The following DTWD2 variants were observed in gnomAD, a reference collection of about 807,000 sequenced individuals.
DTWD2 encodes the protein tRNA-uridine aminocarboxypropyltransferase 2.
In DTWD2, 39 loss-of-function variants were observed where a neutral mutation model predicts 31.8. That is an observed-to-expected ratio of 1.22 (90% CI 0.95 to 1.60). DTWD2 has a LOEUF of 1.60. DTWD2 is among the 40% of genes most tolerant of loss of function. DTWD2 has a pLI of 0.00. For synonymous variants in DTWD2, 180 were observed against 142.8 expected (o/e 1.26, Z -1.86); for missense variants, 515 against 381.5 (o/e 1.35, Z -2.92).
intron 4 of DTWD2, among the ~76,000 whole-genome samples, chr5:118,861,197 G>A (rs113807784): frequency 6.6e-6 from 1 of 152,360 alleles, no homozygotes; most frequent in African/African-American, 2.4e-5. Flanking sequence ...AGCAGACATT[G>A]TGCAATGCAG....
chr5:118,862,982 A>C (rs928321149), intron 4 of DTWD2, among the ~76,000 whole-genome samples: 1 of 152,176 alleles, frequency 6.6e-6, no homozygotes, highest in African/African-American at 2.4e-5. Context: ...CTCATGTGAA[A>C]AGCTGATCCA....
At chr5:118,913,100 T>C (rs1449962289) in intron 4 of DTWD2, among the ~76,000 whole-genome samples, 5 of 152,162 alleles carry the variant, frequency 3.3e-5, no homozygotes, top group Non-Finnish European at 5.9e-5. Context: ...GTTATTTATA[T>C]CCTACTGCTC....
intron 4 of DTWD2, among the ~76,000 whole-genome samples, chr5:118,889,698 T>C (rs1752938889): frequency 6.6e-6 from 1 of 152,120 alleles, no homozygotes; most frequent in Non-Finnish European, 1.5e-5. Context: ...GCCATGTAAA[T>C]ATATTACTTT....
chr5:118,928,029 G>T (rs1753845842), intron 4 of DTWD2, among the ~76,000 whole-genome samples: 2 of 151,834 alleles, frequency 1.3e-5, no homozygotes, highest in Admixed American at 1.3e-4. Context: ...ATATAAGAAT[G>T]GACCAATATT....
chr5:118,898,823 T>G lies in DTWD2; in HGVS notation c.597+29714A>C, dbSNP rs183992221. ...CACAAAAAAATTGTTATTAAGACAT[T>G]TAGTTTAAGAGGAAAAGGTTATCCT... On this transcript the variant is annotated intron_variant, in intron 4 of 5. Transcript: ENST00000510708. 2.0e-5 allele frequency among the ~76,000 whole-genome samples: 3 copies of G among 152,272 alleles called. No homozygotes were observed. The East Asian group carries it at 5.8e-4, about 29-fold the overall frequency.
At chr5:118,900,881 C>T (rs1040519423) in intron 4 of DTWD2, among the ~76,000 whole-genome samples, 7 of 150,998 alleles carry the variant, frequency 4.6e-5, no homozygotes, top group South Asian at 4.2e-4. Context: ...CCCGAGATCA[C>T]GCCACTGCCC....
At chr5:118,937,295 T>C (rs1022381231) in intron 3 of DTWD2, among the ~76,000 whole-genome samples, 11 of 150,012 alleles carry the variant, frequency 7.3e-5, no homozygotes, top group African/African-American at 2.7e-4. Flanking sequence ...TAGAAACTGA[T>C]AAATGACATT....
intron 4 of DTWD2, among the ~76,000 whole-genome samples, chr5:118,886,695 C>T (rs1752875761): frequency 1.3e-5 from 2 of 152,054 alleles, no homozygotes; most frequent in South Asian, 4.1e-4. Flanking sequence ...ATTATTTATC[C>T]ATTATTATTT....
intron 4 of DTWD2, among the ~76,000 whole-genome samples, chr5:118,873,211 G>A (rs139410759): frequency 2.6e-5 from 4 of 152,286 alleles, no homozygotes; most frequent in East Asian, 1.9e-4. Flanking sequence ...AGCACAGCCC[G>A]GAACAGCCAT....
chr5:118,923,750 T>A (rs1350724578), intron 4 of DTWD2, among the ~76,000 whole-genome samples: 1 of 152,198 alleles, frequency 6.6e-6, no homozygotes, highest in African/African-American at 2.4e-5. Flanking sequence ...CTTCAAAGTC[T>A]TTCTCTGAGG....
intron 1 of DTWD2, among the ~76,000 whole-genome samples, chr5:118,951,003 G>C (rs756929668): frequency 3.3e-5 from 5 of 152,138 alleles, no homozygotes; most frequent in Non-Finnish European, 7.3e-5. Flanking sequence ...AAGTCTCTAA[G>C]GGTTGTTGCC....
At chr5:118,872,293 T>C (rs1206093313) in intron 4 of DTWD2, among the ~76,000 whole-genome samples, 1 of 152,240 alleles carries the variant, frequency 6.6e-6, no homozygotes. Context: ...TTAATTTCCT[T>C]CAATAAATTT....
At chr5:118,911,676 TAC>T (rs748757438) in intron 4 of DTWD2, among the ~76,000 whole-genome samples, 7 of 152,004 alleles carry the variant, frequency 4.6e-5, no homozygotes, top group Non-Finnish European at 8.8e-5. Flanking sequence ...CACACACATA[TAC>T]ACACACACAC....
At chr5:118,921,084 A>G (rs1753692354) in intron 4 of DTWD2, among the ~76,000 whole-genome samples, 1 of 152,168 alleles carries the variant, frequency 6.6e-6, no homozygotes, top group Non-Finnish European at 1.5e-5. Context: ...ACCCAATGGA[A>G]GCAAATGTTC....
At chr5:118,875,714 G>A in intron 4 of DTWD2, among the ~76,000 whole-genome samples, 1 of 152,000 alleles carries the variant, frequency 6.6e-6, no homozygotes, top group East Asian at 1.9e-4. Flanking sequence ...GATTTATAAA[G>A]CAAGTTCTCA....
chr5:118,965,645 C>T (rs1407328657), intron 1 of DTWD2, among the ~76,000 whole-genome samples: 1 of 152,066 alleles, frequency 6.6e-6, no homozygotes, highest in Non-Finnish European at 1.5e-5. Context: ...ACCCCCAACC[C>T]GGTGCTCTCT....
chr5:118,918,146 T>C (rs920614535), intron 4 of DTWD2, among the ~76,000 whole-genome samples: 1 of 152,176 alleles, frequency 6.6e-6, no homozygotes, highest in Non-Finnish European at 1.5e-5. Flanking sequence ...ATATTCATTA[T>C]TTAGATTTTC....
intron 4 of DTWD2, among the ~76,000 whole-genome samples, chr5:118,919,662 G>A (rs1687615331): frequency 6.6e-6 from 1 of 152,158 alleles, no homozygotes; most frequent in African/African-American, 2.4e-5. Context: ...TTCATAACAA[G>A]GGAATTCCCA....
intron 2 of DTWD2, 93 bp from the exon 3 acceptor site, chr5:118,939,383 G>A (rs1197093041): frequency 3.6e-6 from 4 of 1,122,446 alleles, no homozygotes; most frequent in African/African-American, 3.2e-5. Flanking sequence ...ATAACTTTAT[G>A]CATAACTTTC....
Sources: allele counts gnomAD v4.1 joint callset (sites outside exome capture counted in the v4.1 genomes callset), GRCh38; gene constraint gnomAD v4.1.1; transcripts MANE v1.5; gene names NCBI Gene and HGNC (gene_info 2026-07-23, HGNC 2026-07-21).